The following CDIN1 variants were observed in gnomAD, a reference collection of about 807,000 sequenced individuals.
CDIN1 encodes CDAN1-interacting nuclease 1.
CDIN1 carries 33 observed loss-of-function variants against 45.3 expected under a neutral mutation model. The observed-to-expected ratio is 0.73, with a 90% CI of 0.55 to 0.97. The LOEUF (loss-of-function observed/expected upper bound fraction) is 0.97, where lower values mean the gene tolerates loss of function less well. CDIN1 is among the 50% of genes least tolerant of loss of function. The pLI, the probability that CDIN1 is intolerant of heterozygous loss-of-function variation, is 0.00. For synonymous variants in CDIN1, 118 were observed against 124.4 expected, an observed-to-expected ratio of 0.95 and a Z score of 0.34; for missense variants, 303 against 339.4, an observed-to-expected ratio of 0.89 and a Z score of 0.84.
intron 5 of CDIN1, among the ~76,000 whole-genome samples, chr15:36,679,031 C>T (rs550975395): frequency 4.6e-5 from 7 of 152,278 alleles, no homozygotes; most frequent in African/African-American, 1.7e-4. Flanking sequence ...TCGTTATAGA[C>T]AAGACTTAAA....
At chr15:36,751,003 A>AT (rs1460001177) in intron 10 of CDIN1, among the ~76,000 whole-genome samples, 1 of 151,792 alleles carries the variant, frequency 6.6e-6, no homozygotes, top group Non-Finnish European at 1.5e-5. Context: ...CTCCCCTTTT[A>AT]TTTTTTATAT....
intron 5 of CDIN1, among the ~76,000 whole-genome samples, chr15:36,660,438 A>G (rs552745911): frequency 1.4e-4 from 21 of 152,314 alleles, no homozygotes; most frequent in Middle Eastern, 3.4e-3. Flanking sequence ...TACTTTCATT[A>G]GATCAATGCT....
chr15:36,649,990 G>C (rs2040506364), intron 3 of CDIN1, among the ~76,000 whole-genome samples: 1 of 152,208 alleles, frequency 6.6e-6, no homozygotes, highest in Non-Finnish European at 1.5e-5. Context: ...CAAATTTTCA[G>C]AAACTATTTT....
chr15:36,792,879 C>T (rs1425610948), intron 10 of CDIN1, among the ~76,000 whole-genome samples: 2 of 152,126 alleles, frequency 1.3e-5, no homozygotes, highest in Non-Finnish European at 2.9e-5. Context: ...GTGCCCTTCC[C>T]TCCGGTCCTC....
In CDIN1 at chr15:36,753,683, C is replaced by T. The variant is rs541447649; in HGVS notation, c.716+43722C>T. 2.7e-5 allele frequency among the ~76,000 whole-genome samples: 4 copies of T among 150,876 alleles called. No homozygotes were observed. In the East Asian group the frequency reaches 5.8e-4, roughly 22 times the overall value. On this transcript the variant is annotated intron_variant, in intron 10 of 10. Transcript: ENST00000566621. ...AGTGGAGATAATTTAGCCAAAGGCA[C>T]CTGTGTTCTCTAAGGACTCTGCCTG...
intron 10 of CDIN1, among the ~76,000 whole-genome samples, chr15:36,766,050 A>G (rs1428958263): frequency 6.6e-6 from 1 of 152,178 alleles, no homozygotes; most frequent in Non-Finnish European, 1.5e-5. Context: ...ATACCCATTG[A>G]ACAGCGACTT....
intron 1 of CDIN1, among the ~76,000 whole-genome samples, chr15:36,581,583 A>G (rs1310992337): frequency 6.6e-6 from 1 of 152,230 alleles, no homozygotes; most frequent in Non-Finnish European, 1.5e-5. Flanking sequence ...GAAGGGATTA[A>G]AGAGCTATTT....
chr15:36,784,862 G>A (rs1375960891), intron 10 of CDIN1, among the ~76,000 whole-genome samples: 1 of 152,090 alleles, frequency 6.6e-6, no homozygotes, highest in Non-Finnish European at 1.5e-5. Flanking sequence ...GAAATAGGCT[G>A]GAATTCCTGT....
chr15:36,618,919 G>A (rs1410258301), intron 1 of CDIN1: 61 of 1,414,186 alleles, frequency 4.3e-5, no homozygotes, highest in South Asian at 2.3e-4. Context: ...TAGCTACACC[G>A]TGACTCTACA....
intron 1 of CDIN1, among the ~76,000 whole-genome samples, chr15:36,592,979 A>G (rs1312409859): frequency 1.3e-5 from 2 of 152,218 alleles, no homozygotes; most frequent in African/African-American, 4.8e-5. Context: ...ATTCCAGTAT[A>G]AAAACAGAGG....
chr15:36,747,453 T>C (rs1410457050), intron 10 of CDIN1, among the ~76,000 whole-genome samples: 1 of 152,228 alleles, frequency 6.6e-6, no homozygotes, highest in Non-Finnish European at 1.5e-5. Context: ...TTCTTAACTT[T>C]CATTCATAAA....
chr15:36,694,533 G>A (rs1185511353), intron 7 of CDIN1, among the ~76,000 whole-genome samples: 2 of 152,114 alleles, frequency 1.3e-5, no homozygotes, highest in Non-Finnish European at 2.9e-5. Flanking sequence ...ATCACAGAAA[G>A]CACAGTTAGC....
In CDIN1 at chr15:36,747,011, A is replaced by T. The variant is rs139091583; in HGVS notation, c.716+37050A>T. ...CGATTCTTCTGCCTCAGCCACCCAAAGTGCTGGAATTACAGGAGCGAGGAA... is the reference window on the plus strand; with the variant it reads ...CGATTCTTCTGCCTCAGCCACCCAATGTGCTGGAATTACAGGAGCGAGGAA... On this transcript the variant is annotated intron_variant, in intron 10 of 10. Transcript: ENST00000566621. The T allele has an allele frequency of 6.7e-4, 266 of 398,280 alleles. 3 individuals carry two copies. In the East Asian group the frequency reaches 9.4e-3, roughly 14 times the overall value. The allele number at this position is 398,280 out of a possible 1,614,324, so 24.7% of individuals were successfully genotyped here. A position where few individuals can be genotyped will look rare whatever the true frequency, so the allele number is the denominator to read the frequency against.
At chr15:36,766,874 C>G (rs1201470525) in intron 10 of CDIN1, among the ~76,000 whole-genome samples, 4 of 152,050 alleles carry the variant, frequency 2.6e-5, no homozygotes, top group Non-Finnish European at 5.9e-5. Context: ...CTGAAGGTTG[C>G]CTTTTCATTC....
chr15:36,610,310 T>G (rs760212232), intron 1 of CDIN1, among the ~76,000 whole-genome samples: 2 of 152,222 alleles, frequency 1.3e-5, no homozygotes, highest in Non-Finnish European at 2.9e-5. Flanking sequence ...CTTGTTCCTC[T>G]TGTCACTTTG....
rs750016091 is a variant in CDIN1 at position 36,697,425 on chromosome 15, G to T, written c.544+35G>T. ...ATTCACATCTTCTCTAGCTTGTGTT[G>T]TCTCCCTGAGTGCTTAAATATATAT... On this transcript the variant is annotated intron_variant, in intron 8 of 10. Transcript: ENST00000566621. 6 of 1,485,522 alleles carry T rather than the reference G, an allele frequency of 4.0e-6. No homozygotes were observed. In the East Asian group the frequency reaches 1.1e-4, roughly 28 times the overall value. The allele number at this position is 1,485,522 out of a possible 1,614,324, so 92.0% of individuals were successfully genotyped here. A position where few individuals can be genotyped will look rare whatever the true frequency, so the allele number is the denominator to read the frequency against.
chr15:36,626,698 G>T, intron 1 of CDIN1: 1 of 419,100 alleles, frequency 2.4e-6, no homozygotes, highest in Non-Finnish European at 4.8e-6. Context: ...AGTGGGAGGA[G>T]GTGCTATTCT....
intron 1 of CDIN1, among the ~76,000 whole-genome samples, chr15:36,610,540 C>G (rs908884142): frequency 1.3e-5 from 2 of 152,082 alleles, no homozygotes; most frequent in East Asian, 3.9e-4. Context: ...CACACTTTAT[C>G]TTTTATTTGG....
At chr15:36,626,160 G>A (rs1313929917) in intron 1 of CDIN1, among the ~76,000 whole-genome samples, 3 of 150,658 alleles carry the variant, frequency 2.0e-5, no homozygotes, top group Non-Finnish European at 4.4e-5. Flanking sequence ...TTAAATTTTT[G>A]TTTATTTAAG....
Sources: allele counts gnomAD v4.1 joint callset (sites outside exome capture counted in the v4.1 genomes callset), GRCh38; gene constraint gnomAD v4.1.1; transcripts MANE v1.5; gene names NCBI Gene and HGNC (gene_info 2026-07-23, HGNC 2026-07-21).